The following KIF16B variants were observed in gnomAD, a reference collection of about 807,000 sequenced individuals.
KIF16B encodes kinesin family member 16B.
Under a neutral mutation model 156.3 loss-of-function variants are expected in KIF16B, and 98 were observed. That is an observed-to-expected ratio of 0.63 (90% CI 0.53 to 0.74). KIF16B has a LOEUF of 0.74. KIF16B is among the 30% of genes least tolerant of loss of function. KIF16B has a pLI of 0.00. For synonymous variants in KIF16B, 564 were observed against 583.7 expected (o/e 0.97, Z 0.49); for missense variants, 1,421 against 1,606.5 (o/e 0.88, Z 1.97).
chr20:16,401,760 T>TTAAACCTGTTTAA (rs2065661913), intron 17 of KIF16B, among the ~76,000 whole-genome samples: 1 of 152,180 alleles, frequency 6.6e-6, no homozygotes, highest in Non-Finnish European at 1.5e-5. Context: ...TCCTGGGAGT[T>TTAAACCTGTTTAA]ACTCTTAATT....
rs79118124 is a variant in KIF16B, at chr20:16,281,308, C to A, written c.3796-7897G>T. Among the ~76,000 whole-genome samples, 472 of 152,214 alleles carry A rather than the reference C, an allele frequency of 3.1e-3. 4 individuals carry two copies. The highest frequency in any genetic ancestry group is 0.011 in the African/African-American group (456 of 41,524). ...CAGAAGTCATTAACCACGGTGGCGG[C>A]TTAAAGACAAGTATCAGTCTAGTAA... On this transcript the variant is annotated intron_variant, in intron 25 of 25. Coordinates refer to ENST00000354981, the MANE Select transcript of KIF16B (RefSeq NM_024704.5).
chr20:16,381,268 T>TG (rs1313529050), intron 18 of KIF16B, among the ~76,000 whole-genome samples: 1 of 148,458 alleles, frequency 6.7e-6, no homozygotes, highest in Non-Finnish European at 1.5e-5. Context: ...GAAATACAAA[T>TG]GGCCAAACAA....
At chr20:16,386,508 A>C (rs1412374044) in intron 17 of KIF16B, among the ~76,000 whole-genome samples, 1 of 151,944 alleles carries the variant, frequency 6.6e-6, no homozygotes, top group Non-Finnish European at 1.5e-5. Context: ...TGGTGAATGT[A>C]AATACAGTAG....
intron 12 of KIF16B, among the ~76,000 whole-genome samples, chr20:16,477,218 A>C (rs1359010603): frequency 6.6e-6 from 1 of 150,424 alleles, no homozygotes; most frequent in Non-Finnish European, 1.5e-5. Context: ...TAAAAAAAAA[A>C]AAAGGTGGGG....
At chr20:16,539,172 C>T (rs1024953805) in intron 1 of KIF16B, among the ~76,000 whole-genome samples, 3 of 152,012 alleles carry the variant, frequency 2.0e-5, no homozygotes, top group Non-Finnish European at 4.4e-5. Context: ...ATAGAGATAC[C>T]TGAAAAGATG....
Position 16,394,307 on chromosome 20 carries a change from G to A in KIF16B, c.1784+10506C>T, listed in dbSNP as rs780549866. Among the ~76,000 whole-genome samples the A allele has an allele frequency of 3.3e-5, 5 of 152,142 alleles. No homozygotes were observed. In the East Asian group the frequency reaches 5.8e-4, roughly 18 times the overall value. On this transcript the variant is annotated intron_variant, in intron 17 of 25. Coordinates refer to ENST00000354981, the MANE Select transcript of KIF16B (RefSeq NM_024704.5). The stretch of plus-strand genomic sequence containing the variant: ...CCTACTTTGAAAACAGAAAACACCC[G>A]AAGCTCATCAGTTAAAGTGGCTCAC...
chr20:16,424,234 C>A (rs1427707393), intron 15 of KIF16B, among the ~76,000 whole-genome samples: 1 of 152,062 alleles, frequency 6.6e-6, no homozygotes, highest in Non-Finnish European at 1.5e-5. Context: ...GCTCAACTTA[C>A]CTTTATAAAA....
chr20:16,382,959 G>C lies in KIF16B; in HGVS notation c.1785-1212C>G, dbSNP rs566285928. On this transcript the variant is annotated intron_variant, in intron 17 of 25. Coordinates refer to ENST00000354981, the MANE Select transcript of KIF16B (RefSeq NM_024704.5). Reference sequence around the variant, plus strand: ...GTTCTCTTTCCAATTTAATAATGTGGAGTAATATTGAGAATAAGATGTCTG... The same window carrying C: ...GTTCTCTTTCCAATTTAATAATGTGCAGTAATATTGAGAATAAGATGTCTG... 5.9e-5 allele frequency among the ~76,000 whole-genome samples: 9 copies of C among 152,248 alleles called. No individual in the cohort carries two copies. The South Asian group carries it at 8.3e-4, about 14-fold the overall frequency.
At chr20:16,541,599 A>G in intron 1 of KIF16B, among the ~76,000 whole-genome samples, 1 of 152,358 alleles carries the variant, frequency 6.6e-6, no homozygotes, top group East Asian at 1.9e-4. Context: ...GGAAACAGTA[A>G]TAAACCTAAA....
chr20:16,568,687 C>T (rs930274570), intron 1 of KIF16B, among the ~76,000 whole-genome samples: 3 of 151,896 alleles, frequency 2.0e-5, no homozygotes, highest in African/African-American at 7.3e-5. Flanking sequence ...TGGTGGTGTG[C>T]ACCAATAGTC....
chr20:16,462,296 T>C (rs1215072930), intron 12 of KIF16B, among the ~76,000 whole-genome samples: 1 of 152,134 alleles, frequency 6.6e-6, no homozygotes, highest in Non-Finnish European at 1.5e-5. Flanking sequence ...CTAAAATGTG[T>C]CTACCTGAGA....
chr20:16,416,368 T>C (rs1228805228), intron 15 of KIF16B, among the ~76,000 whole-genome samples: 4 of 152,184 alleles, frequency 2.6e-5, no homozygotes, highest in Non-Finnish European at 4.4e-5. Context: ...CTTTAATCCA[T>C]CTTGAGTTAA....
chr20:16,375,605 CAA>C (rs1164470993), intron 19 of KIF16B, among the ~76,000 whole-genome samples: 9 of 75,256 alleles, frequency 1.2e-4, no homozygotes, highest in Admixed American at 1.5e-4. Flanking sequence ...AAGACATAAG[CAA>C]AAAAAAAAAA....
At chr20:16,385,445 G>A (rs1007995372) in intron 17 of KIF16B, among the ~76,000 whole-genome samples, 11 of 152,152 alleles carry the variant, frequency 7.2e-5, no homozygotes, top group Non-Finnish European at 1.3e-4. Flanking sequence ...TAACTACAAA[G>A]AGACTGAGCC....
intron 24 of KIF16B, among the ~76,000 whole-genome samples, chr20:16,317,813 C>A (rs1381441664): frequency 6.6e-6 from 1 of 152,190 alleles, no homozygotes; most frequent in African/African-American, 2.4e-5. Flanking sequence ...TCTGCCTATG[C>A]TAAATATGGG....
At position 16,516,023 on chromosome 20, in the gene KIF16B, T is replaced by C. The variant is rs561142289; in HGVS notation, c.232-359A>G. Among the ~76,000 whole-genome samples, 12 of 152,360 alleles carry C rather than the reference T, an allele frequency of 7.9e-5. No individual in the cohort carries two copies. In the South Asian group the frequency reaches 2.3e-3, roughly 29 times the overall value. On this transcript the variant is annotated intron_variant, in intron 3 of 25. Coordinates refer to ENST00000354981, the MANE Select transcript of KIF16B (RefSeq NM_024704.5). ...TTATATAAATATATAAAGCTATTCA[T>C]TCTATCAGAGTTTCCAGAAACAAAA...
intron 12 of KIF16B, among the ~76,000 whole-genome samples, chr20:16,454,492 C>A (rs548147765): frequency 1.3e-5 from 2 of 151,566 alleles, no homozygotes; most frequent in Admixed American, 1.3e-4. Context: ...TACAGATAAA[C>A]CTTACTTTTA....
chr20:16,379,973 C>T lies in KIF16B; in HGVS notation c.2029G>A (p.Glu677Lys). The stretch of plus-strand genomic sequence containing the variant: ...CTCAGCCTCTCCTCTTCAAATTTTT[C>T]CTTCTCCGCAAGTAAATCCTTTAGC... ...NKLKDLLAEK[E>K]KFEEERLREQ... Residue 677 changes from glutamate (E) to lysine (K), a missense_variant, in exon 19 of 26, where the codon GAA becomes AAA. Transcript: ENST00000354981. The T allele has an allele frequency of 6.2e-7, 1 of 1,612,490 alleles. No homozygotes were observed. The highest frequency in any genetic ancestry group is 2.2e-5 in the East Asian group (1 of 44,826).
At chr20:16,433,303 T>C (rs1280247591) in intron 12 of KIF16B, among the ~76,000 whole-genome samples, 2 of 152,124 alleles carry the variant, frequency 1.3e-5, no homozygotes, top group Non-Finnish European at 2.9e-5. Context: ...ACCATTCTCG[T>C]AAGTCCACAG....
Sources: gnomAD v4.1 joint callset for allele counts (sites outside exome capture counted in the v4.1 genomes callset) on GRCh38, gnomAD v4.1.1 for gene constraint, MANE v1.5 for transcripts, NCBI Gene and HGNC (gene_info 2026-07-23, HGNC 2026-07-21) for gene names.